Variants in TMPRSS15 observed in about 807,000 individuals in gnomAD.
TMPRSS15 encodes enteropeptidase.
A neutral mutation model predicts 125.3 loss-of-function variants in TMPRSS15; 128 were observed. The ratio of observed to expected loss-of-function variants is 1.02; its 90% CI spans 0.89 to 1.18. The LOEUF (loss-of-function observed/expected upper bound fraction) is 1.18, where lower values mean the gene tolerates loss of function less well. Ranked by LOEUF, TMPRSS15 falls within the 50% of genes most tolerant of loss-of-function variation. TMPRSS15 has a pLI of 0.00. For missense variants in TMPRSS15, 1,283 were observed against 1,212.7 expected, an observed-to-expected ratio of 1.06 and a Z score of -0.86; for synonymous variants, 446 against 423.2, an observed-to-expected ratio of 1.05 and a Z score of -0.66.
intron 18 of TMPRSS15, among the ~76,000 whole-genome samples, chr21:18,307,583 G>A (rs533833503): frequency 6.6e-6 from 1 of 152,162 alleles, no homozygotes; most frequent in South Asian, 2.1e-4. Context: ...CACCACATAA[G>A]CATGTAAAGC....
intron 24 of TMPRSS15, among the ~76,000 whole-genome samples, chr21:18,271,535 T>C (rs959183099): frequency 3.3e-5 from 5 of 152,196 alleles, no homozygotes; most frequent in Middle Eastern, 3.2e-3. Context: ...TTACTTCTTG[T>C]CATCTAACTA....
intron 18 of TMPRSS15, among the ~76,000 whole-genome samples, chr21:18,302,681 A>G (rs1170221017): frequency 2.0e-5 from 3 of 152,196 alleles, no homozygotes; most frequent in Admixed American, 1.3e-4. Flanking sequence ...AGGTAAATTG[A>G]TGGGTTAGTC....
intron 5 of TMPRSS15, among the ~76,000 whole-genome samples, chr21:18,373,773 T>C (rs1984658344): frequency 6.6e-6 from 1 of 152,208 alleles, no homozygotes; most frequent in Non-Finnish European, 1.5e-5. Flanking sequence ...CTGTTCAGTA[T>C]CTGTTGAACT....
At chr21:18,432,647 T>C (rs1228078761) in intron 1 of TMPRSS15, among the ~76,000 whole-genome samples, 1 of 152,134 alleles carries the variant, frequency 6.6e-6, no homozygotes, top group Non-Finnish European at 1.5e-5. Flanking sequence ...AGCATCAGGC[T>C]ACCAGGAGTC....
At chr21:18,395,246 T>G (rs1427457254) in intron 3 of TMPRSS15, among the ~76,000 whole-genome samples, 1 of 152,196 alleles carries the variant, frequency 6.6e-6, no homozygotes, top group African/African-American at 2.4e-5. Context: ...CTCTTTAGCC[T>G]TAACTTTCAT....
rs62213260 is a variant in TMPRSS15, at chr21:18,465,788, T to C, written c.10+20011A>G. On this transcript the variant is annotated intron_variant, in intron 1 of 7. Transcript: ENST00000422787. ...GACACAAACAAATGGAAAAGCCTTC[T>C]ATGCTCATGGATAGGAAGAATCAAT... is the stretch of plus-strand genomic sequence containing the variant. 4.2e-4 allele frequency among the ~76,000 whole-genome samples: 64 copies of C among 152,206 alleles called. No individual in the cohort carries two copies. The South Asian group carries it at 0.012, about 30-fold the overall frequency.
At chr21:18,444,332 A>G (rs1461557460) in intron 1 of TMPRSS15, among the ~76,000 whole-genome samples, 3 of 152,232 alleles carry the variant, frequency 2.0e-5, no homozygotes, top group Non-Finnish European at 2.9e-5. Flanking sequence ...TGTCCTTTAC[A>G]GGGACATGGT....
intron 21 of TMPRSS15, among the ~76,000 whole-genome samples, chr21:18,292,136 A>C (rs1189505223): frequency 6.6e-6 from 1 of 152,250 alleles, no homozygotes; most frequent in Admixed American, 6.5e-5. Flanking sequence ...TGATGTACTT[A>C]CACACTGCAA....
At chr21:18,293,441 A>G (rs2074862286) in intron 21 of TMPRSS15, among the ~76,000 whole-genome samples, 1 of 152,178 alleles carries the variant, frequency 6.6e-6, no homozygotes, top group Non-Finnish European at 1.5e-5. Flanking sequence ...CCTCACTGAC[A>G]TAGGGACAGG....
intron 1 of TMPRSS15, among the ~76,000 whole-genome samples, chr21:18,448,573 T>C (rs1601466381): frequency 6.6e-6 from 1 of 152,164 alleles, no homozygotes; most frequent in Non-Finnish European, 1.5e-5. Flanking sequence ...CATTTCCTTT[T>C]ATTTAGTTGG....
At chr21:18,482,587 C>T (rs1050008041) in intron 1 of TMPRSS15, among the ~76,000 whole-genome samples, 1 of 151,364 alleles carries the variant, frequency 6.6e-6, no homozygotes, top group African/African-American at 2.4e-5. Context: ...AATTAGTTTT[C>T]TCCTAATTTT....
intron 3 of TMPRSS15, among the ~76,000 whole-genome samples, chr21:18,384,882 A>G (rs1268348102): frequency 6.6e-6 from 1 of 152,122 alleles, no homozygotes; most frequent in Non-Finnish European, 1.5e-5. Flanking sequence ...CCATCTATCT[A>G]TCTTGATAGA....
At chr21:18,338,211 T>C (rs1039897924) in intron 13 of TMPRSS15, among the ~76,000 whole-genome samples, 1 of 152,162 alleles carries the variant, frequency 6.6e-6, no homozygotes, top group Non-Finnish European at 1.5e-5. Context: ...TCAAATTTTC[T>C]ATTTTAGGTA....
intron 22 of TMPRSS15, among the ~76,000 whole-genome samples, chr21:18,280,331 C>T (rs2074676522): frequency 6.6e-6 from 1 of 152,108 alleles, no homozygotes; most frequent in South Asian, 2.1e-4. Flanking sequence ...AATCCCAGCA[C>T]TTTGGGAGGG....
At chr21:18,313,889 C>T (rs1440785158) in intron 17 of TMPRSS15, among the ~76,000 whole-genome samples, 4 of 123,390 alleles carry the variant, frequency 3.2e-5, no homozygotes, top group Non-Finnish European at 6.3e-5. Flanking sequence ...AATTCCCTCC[C>T]CACCAAAAAA....
chr21:18,475,020 C>T lies in TMPRSS15; in HGVS notation c.10+10779G>A, dbSNP rs1978851496. 2.0e-5 allele frequency among the ~76,000 whole-genome samples: 3 copies of T among 152,090 alleles called. No homozygotes were observed. In the South Asian group the frequency reaches 6.2e-4, roughly 32 times the overall value. On this transcript the variant is annotated intron_variant, in intron 1 of 7. Transcript: ENST00000422787. ...ATGTGAGACCATAATATAGAGTGCC[C>T]CCACTTCAGTATTCTCCCTCATAAC...
chr21:18,459,532 C>T (rs1978512062), intron 1 of TMPRSS15, among the ~76,000 whole-genome samples: 1 of 152,146 alleles, frequency 6.6e-6, no homozygotes. Flanking sequence ...CCTCATCCTC[C>T]CAAAGTGCTG....
chr21:18,289,571 C>T (rs1422645258), intron 21 of TMPRSS15, among the ~76,000 whole-genome samples: 2 of 152,096 alleles, frequency 1.3e-5, no homozygotes, highest in Non-Finnish European at 2.9e-5. Flanking sequence ...GCCCCAAATA[C>T]CTCATATATG....
Position 18,326,439 on chromosome 21 carries a change from C to A in TMPRSS15, c.1914G>T (p.Gly638=). 1 of 1,614,110 alleles carries A rather than the reference C, an allele frequency of 6.2e-7. No homozygotes were observed. Among genetic ancestry groups the A allele is most frequent in the Non-Finnish European group, 8.5e-7 (1 of 1,179,982 alleles). Residue 638 remains glycine (G), a synonymous_variant, in exon 16 of 25, where the codon GGG becomes GGT. Coordinates refer to ENST00000284885, the MANE Select transcript of TMPRSS15 (RefSeq NM_002772.3). ...TGATTTATGGGCTCCTACCTGGAATCCCCAAGTGATAGCCAGTAGTAAAGT... is the reference window on the plus strand; with the variant it reads ...TGATTTATGGGCTCCTACCTGGAATACCCAAGTGATAGCCAGTAGTAAAGT... The part of the protein sequence containing the change: ...KANFTTGYHL[G]IPEPCKADHF...
Sources: allele counts gnomAD v4.1 joint callset (sites outside exome capture counted in the v4.1 genomes callset), GRCh38; gene constraint gnomAD v4.1.1; transcripts MANE v1.5; gene names NCBI Gene and HGNC (gene_info 2026-07-23, HGNC 2026-07-21).